The following MAEA variants were observed in gnomAD, a reference collection of about 807,000 sequenced individuals.
MAEA encodes the protein E3 ubiquitin-protein transferase MAEA.
MAEA carries 22 observed loss-of-function variants against 46.2 expected under a neutral mutation model. The ratio of observed to expected loss-of-function variants is 0.48; its 90% CI spans 0.34 to 0.68. MAEA has a LOEUF of 0.68. Among genes scored for constraint, MAEA ranks in the 30% least tolerant of loss-of-function variants. The pLI, the probability that MAEA is intolerant of heterozygous loss-of-function variation, is 0.01. For missense variants in MAEA, 393 were observed against 558.1 expected (o/e 0.70, Z 2.98); for synonymous variants, 246 against 222.6 (o/e 1.11, Z -0.94).
intron 6 of MAEA, chr4:1,335,106 C>T (rs1343952075): frequency 4.1e-6 from 4 of 985,444 alleles, no homozygotes; most frequent in East Asian, 1.1e-4. Flanking sequence ...TGCTCACACA[C>T]GCTCTCTCTC....
At chr4:1,335,240 G>GAGTT in intron 6 of MAEA, 1 of 985,490 alleles carries the variant, frequency 1.0e-6, no homozygotes, top group Non-Finnish European at 1.2e-6. Flanking sequence ...TCTGAAGTAA[G>GAGTT]AGTTTTTACA....
intron 6 of MAEA, among the ~76,000 whole-genome samples, chr4:1,333,142 C>T (rs1050513940): frequency 2.0e-5 from 3 of 151,998 alleles, no homozygotes; most frequent in South Asian, 4.2e-4. Context: ...TTGAGAACAG[C>T]CTGGGGAACA....
chr4:1,297,675 C>T (rs73069999), intron 1 of MAEA, among the ~76,000 whole-genome samples: 1 of 152,044 alleles, frequency 6.6e-6, no homozygotes, highest in African/African-American at 2.4e-5. Context: ...TGCGAGGGCA[C>T]GGGCCGTCCT....
At chr4:1,307,492 C>T (rs1304662625) in intron 1 of MAEA, among the ~76,000 whole-genome samples, 1 of 152,200 alleles carries the variant, frequency 6.6e-6, no homozygotes, top group Non-Finnish European at 1.5e-5. Context: ...GAGAGGATTG[C>T]CTTCTTTTAA....
intron 2 of MAEA, 188 bp downstream of exon 2, chr4:1,312,349 G>A (rs577927639): frequency 1.6e-6 from 1 of 627,618 alleles, no homozygotes; most frequent in Admixed American, 2.8e-5. Context: ...TTCCTGTAGG[G>A]ACCGTGTTGT....
chr4:1,306,466 G>C (rs1056177872), intron 1 of MAEA, among the ~76,000 whole-genome samples: 2 of 152,164 alleles, frequency 1.3e-5, no homozygotes, highest in Non-Finnish European at 1.5e-5. Flanking sequence ...AGTGAGCCGA[G>C]ATCACGCTAT....
In MAEA at chr4:1,309,945, A is replaced by AG. The variant is rs1208269853; in HGVS notation, c.70-2031dup. The AG allele has an allele frequency of 3.1e-6, 4 of 1,270,112 alleles. No individual in the cohort carries two copies. In the African/African-American group the frequency reaches 6.0e-5, roughly 19 times the overall value. The allele number at this position is 1,270,112 out of a possible 1,614,324, so 78.7% of individuals were successfully genotyped here. A position where few individuals can be genotyped will look rare whatever the true frequency, so the allele number is the denominator to read the frequency against. On this transcript the variant is annotated intron_variant, in intron 1 of 8. Transcript: ENST00000303400. ...CCCGCGTAGAACTTGAATGCAGCTA[A>AG]GGGACGTCCAGAGAGGCCTTTCCTT...
intron 2 of MAEA, among the ~76,000 whole-genome samples, chr4:1,314,464 G>A (rs1736885096): frequency 6.6e-6 from 1 of 152,220 alleles, no homozygotes; most frequent in Non-Finnish European, 1.5e-5. Context: ...TAGTGAACTG[G>A]AGGGTGATCG....
chr4:1,304,877 CT>C (rs1735684259), intron 1 of MAEA, among the ~76,000 whole-genome samples: 1 of 152,188 alleles, frequency 6.6e-6, no homozygotes, highest in Admixed American at 6.5e-5. Flanking sequence ...GTGTCTCACG[CT>C]ATACTCTATT....
chr4:1,316,091 G>C (rs922197152), intron 3 of MAEA, among the ~76,000 whole-genome samples: 2 of 152,038 alleles, frequency 1.3e-5, no homozygotes, highest in African/African-American at 4.8e-5. Flanking sequence ...TTTCCCGCCC[G>C]ATACCTGTAC....
intron 5 of MAEA, chr4:1,331,662 G>C (rs949346156): frequency 6.6e-6 from 1 of 152,640 alleles, no homozygotes; most frequent in Non-Finnish European, 1.5e-5. Flanking sequence ...TGGCAGAGGG[G>C]CCCTGAGGGC....
chr4:1,293,413 A>G (rs972396590), intron 1 of MAEA, among the ~76,000 whole-genome samples: 2 of 152,098 alleles, frequency 1.3e-5, no homozygotes, highest in Non-Finnish European at 2.9e-5. Flanking sequence ...AATAAAAGTA[A>G]TTTGTTTTTT....
intron 1 of MAEA, among the ~76,000 whole-genome samples, chr4:1,303,027 G>A (rs1330115597): frequency 6.6e-6 from 1 of 151,834 alleles, no homozygotes; most frequent in East Asian, 1.9e-4. Flanking sequence ...GGTGACACAC[G>A]GAGTTACCAT....
At chr4:1,290,009 G>A (rs531238045) in intron 1 of MAEA, 27 bp downstream of exon 1, 4 of 1,553,332 alleles carry the variant, frequency 2.6e-6, no homozygotes, top group East Asian at 2.5e-5. Context: ...CGCAGGCTGA[G>A]GGCAGCGAAG....
chr4:1,300,440 T>G (rs12508297), intron 1 of MAEA, among the ~76,000 whole-genome samples: 23,444 of 152,194 alleles, frequency 0.15, 3,478 homozygotes, highest in East Asian at 0.42. Context: ...TTTGAAATAC[T>G]TTATGGAAAG....
At position 1,328,186 on chromosome 4, in the gene MAEA, C is replaced by A. The variant is rs568644122; in HGVS notation, c.656+483C>A. ...GGCACTTCTGGGTTCTCCGGCCTGT[C>A]TCCGACCCAAGGGCGGCGTGCAGTG... On this transcript the variant is annotated intron_variant, in intron 5 of 8. Coordinates refer to ENST00000303400, the MANE Select transcript of MAEA (RefSeq NM_001017405.3). 3.3e-5 allele frequency among the ~76,000 whole-genome samples: 5 copies of A among 152,364 alleles called. No homozygotes were observed. In the East Asian group the frequency reaches 9.7e-4, roughly 29 times the overall value.
chr4:1,314,493 T>C (rs571982548), intron 2 of MAEA, among the ~76,000 whole-genome samples: 1 of 152,208 alleles, frequency 6.6e-6, no homozygotes, highest in East Asian at 1.9e-4. Flanking sequence ...GCACAGAGAC[T>C]GAAAAATCAA....
At chr4:1,335,940 TCA>T (rs1475034421) in intron 6 of MAEA, 1 of 2,466 alleles carries the variant, frequency 4.1e-4, no homozygotes, top group African/African-American at 4.2e-3. Flanking sequence ...TGTGTTGAAA[TCA>T]CAGAGTTAAG....
intron 7 of MAEA, 166 bp downstream of exon 7, chr4:1,337,160 G>A (rs1560395146): frequency 3.2e-5 from 25 of 770,830 alleles, no homozygotes; most frequent in South Asian, 1.1e-4. Flanking sequence ...GGGTGGGGCC[G>A]TGTTGAGGGG....
Sources: allele counts gnomAD v4.1 joint callset (sites outside exome capture counted in the v4.1 genomes callset), GRCh38; gene constraint gnomAD v4.1.1; transcripts MANE v1.5; gene names NCBI Gene and HGNC (gene_info 2026-07-23, HGNC 2026-07-21).